Variants in KCNMA1 observed in about 807,000 individuals in gnomAD.
KCNMA1 encodes the protein Calcium-activated potassium channel subunit alpha-1.
Under a neutral mutation model 140.0 loss-of-function variants are expected in KCNMA1, and 29 were observed. The observed-to-expected ratio is 0.21, with a 90% CI of 0.15 to 0.28. The LOEUF (loss-of-function observed/expected upper bound fraction) is 0.28, where lower values mean the gene tolerates loss of function less well. KCNMA1 is among the 10% of genes least tolerant of loss of function. The pLI is 1.00. For synonymous variants in KCNMA1, 612 were observed against 611.9 expected, an observed-to-expected ratio of 1.00 and a Z score of 0.00; for missense variants, 880 against 1,602.2, an observed-to-expected ratio of 0.55 and a Z score of 7.70.
chr10:77,280,827 C>T (rs574329447), intron 2 of KCNMA1, among the ~76,000 whole-genome samples: 1 of 152,180 alleles, frequency 6.6e-6, no homozygotes, highest in Non-Finnish European at 1.5e-5. Context: ...CCATGTCCTG[C>T]CTGTCCTCAA....
chr10:77,581,040 C>T (rs1234519970), intron 1 of KCNMA1, among the ~76,000 whole-genome samples: 2 of 152,202 alleles, frequency 1.3e-5, no homozygotes, highest in Non-Finnish European at 2.9e-5. Context: ...TGGCTTAATG[C>T]TCTGCTATCA....
intron 1 of KCNMA1, chr10:77,636,355 T>G (rs1715530169): frequency 6.5e-7 from 1 of 1,531,546 alleles, no homozygotes. Context: ...GTCGCCAGCC[T>G]CAGTGCCGGT....
intron 15 of KCNMA1, among the ~76,000 whole-genome samples, chr10:77,034,835 C>T (rs912713626): frequency 2.6e-5 from 4 of 152,204 alleles, no homozygotes; most frequent in African/African-American, 9.7e-5. Flanking sequence ...TCCTAATCCC[C>T]TCTGAGCTGT....
At chr10:76,941,018 G>GAAGGAAGAAAGAAAGAAAGAAAGAAAGA (rs1554960623) in intron 23 of KCNMA1, among the ~76,000 whole-genome samples, 24 of 38,250 alleles carry the variant, frequency 6.3e-4, no homozygotes, top group South Asian at 2.9e-3. Context: ...AGGAAGGAAG[G>GAAGGAAGAAAGAAAGAAAGAAAGAAAGA]AAGAAAGAAA....
chr10:77,270,013 CTG>C (rs936101867), intron 2 of KCNMA1, among the ~76,000 whole-genome samples: 5 of 152,198 alleles, frequency 3.3e-5, no homozygotes, highest in Non-Finnish European at 5.9e-5. Flanking sequence ...CTTTGGCAGG[CTG>C]TTCCCTGGCT....
At chr10:77,053,657 T>C (rs564168998) in intron 14 of KCNMA1, among the ~76,000 whole-genome samples, 2 of 152,316 alleles carry the variant, frequency 1.3e-5, no homozygotes, top group Admixed American at 6.5e-5. Context: ...GATGCCTTTA[T>C]GCCACCTTAG....
chr10:77,352,710 C>T (rs557981613), intron 2 of KCNMA1, among the ~76,000 whole-genome samples: 48 of 151,932 alleles, frequency 3.2e-4, no homozygotes, highest in African/African-American at 1.0e-3. Context: ...TGGCCTATGG[C>T]CAGGGTCTAA....
intron 5 of KCNMA1, among the ~76,000 whole-genome samples, chr10:77,159,377 A>G (rs554632492): frequency 6.6e-6 from 1 of 151,924 alleles, no homozygotes; most frequent in East Asian, 1.9e-4. Context: ...TCTATCTTAG[A>G]TAGATGTTCC....
chr10:77,372,282 ACGATTG>A (rs2094789511), intron 2 of KCNMA1, among the ~76,000 whole-genome samples: 2 of 152,268 alleles, frequency 1.3e-5, no homozygotes, highest in African/African-American at 4.8e-5. Context: ...TGTTTTGCCC[ACGATTG>A]TTCCCATCGC....
chr10:77,625,388 AG>A (rs925741909), intron 1 of KCNMA1, among the ~76,000 whole-genome samples: 2 of 152,160 alleles, frequency 1.3e-5, no homozygotes, highest in Admixed American at 6.5e-5. Context: ...CAAAAAAAAA[AG>A]TACCATCTCA....
At chr10:77,511,545 T>C (rs943976952) in intron 1 of KCNMA1, among the ~76,000 whole-genome samples, 1 of 152,164 alleles carries the variant, frequency 6.6e-6, no homozygotes, top group Admixed American at 6.5e-5. Flanking sequence ...AGCCTCTTTA[T>C]CTCTAAGGGA....
At chr10:77,182,128 G>C (rs1598120717) in intron 5 of KCNMA1, among the ~76,000 whole-genome samples, 2 of 152,132 alleles carry the variant, frequency 1.3e-5, no homozygotes, top group African/African-American at 4.8e-5. Flanking sequence ...CTGCACAAAA[G>C]AAAATACACA....
intron 5 of KCNMA1, among the ~76,000 whole-genome samples, chr10:77,121,675 C>T (rs2097600554): frequency 1.3e-5 from 2 of 152,014 alleles, no homozygotes; most frequent in Admixed American, 1.3e-4. Context: ...AATGGTTTGT[C>T]CTTTCTAAAT....
chr10:77,309,663 G>A (rs1200773435), intron 2 of KCNMA1: 1 of 152,228 alleles, frequency 6.6e-6, no homozygotes, highest in Non-Finnish European at 1.5e-5. Flanking sequence ...CCCTCCGTGT[G>A]ACTCAGCAAG....
intron 6 of KCNMA1, among the ~76,000 whole-genome samples, chr10:77,120,413 G>C (rs748985138): frequency 6.6e-6 from 1 of 152,104 alleles, no homozygotes; most frequent in Non-Finnish European, 1.5e-5. Flanking sequence ...TCCCCCAAAA[G>C]GCAATTCACA....
At chr10:77,122,528 A>C (rs1024773810) in intron 5 of KCNMA1, among the ~76,000 whole-genome samples, 9 of 152,084 alleles carry the variant, frequency 5.9e-5, no homozygotes, top group Admixed American at 5.2e-4. Context: ...AAGTCACCTC[A>C]GAAAGCAGAG....
chr10:77,289,954 G>C (rs985591211), intron 2 of KCNMA1, among the ~76,000 whole-genome samples: 3 of 152,168 alleles, frequency 2.0e-5, no homozygotes, highest in African/African-American at 7.2e-5. Context: ...ACATCCTGTG[G>C]ATTCTCCTTA....
At chr10:77,014,722 C>T (rs1232897981) in intron 17 of KCNMA1, among the ~76,000 whole-genome samples, 1 of 152,152 alleles carries the variant, frequency 6.6e-6, no homozygotes, top group East Asian at 1.9e-4. Flanking sequence ...CAAGGCTAGG[C>T]AATTAAGGTT....
intron 19 of KCNMA1, among the ~76,000 whole-genome samples, chr10:76,993,698 A>T (rs1478878957): frequency 6.6e-6 from 1 of 152,146 alleles, no homozygotes; most frequent in Non-Finnish European, 1.5e-5. Context: ...GCCCTCCCAA[A>T]ACAAAGCCTC....
Sources: gnomAD v4.1 joint callset for allele counts (sites outside exome capture counted in the v4.1 genomes callset) on GRCh38, gnomAD v4.1.1 for gene constraint, MANE v1.5 for transcripts, NCBI Gene and HGNC (gene_info 2026-07-23, HGNC 2026-07-21) for gene names.